The following VEGFD variants were observed in gnomAD, a reference collection of about 807,000 sequenced individuals.
VEGFD encodes the protein c-fos induced growth factor (vascular endothelial growth factor D).
In VEGFD, 26 loss-of-function variants were observed where a neutral mutation model predicts 28.0. The observed-to-expected ratio is 0.93, with a 90% CI of 0.68 to 1.29. VEGFD has a LOEUF of 1.29. Ranked by LOEUF, VEGFD falls within the 50% of genes most tolerant of loss-of-function variation. The pLI, the probability that VEGFD is intolerant of heterozygous loss-of-function variation, is 0.00. For missense variants in VEGFD, 294 were observed against 273.4 expected (o/e 1.08, Z -0.53); for synonymous variants, 93 against 95.5 (o/e 0.97, Z 0.15).
At chrX:15,360,399 C>T (rs1922982657) in intron 2 of VEGFD, among the ~76,000 whole-genome samples, 1 of 104,514 alleles carries the variant, frequency 9.6e-6, no homozygotes, top group Middle Eastern at 5.2e-3. Context: ...AGTGCAGCGG[C>T]GCGATCTCGG....
intron 2 of VEGFD, among the ~76,000 whole-genome samples, chrX:15,358,987 C>A (rs1046776666): frequency 9.0e-6 from 1 of 111,648 alleles, no homozygotes; most frequent in African/African-American, 3.3e-5. Flanking sequence ...GGGAAAGATT[C>A]AATTTTATGA....
intron 4 of VEGFD, among the ~76,000 whole-genome samples, chrX:15,354,271 C>T (rs1419968442): frequency 9.0e-6 from 1 of 111,106 alleles, no homozygotes; most frequent in Non-Finnish European, 1.9e-5. Flanking sequence ...GTGCCCGGCC[C>T]CTAAGATTAT....
At chrX:15,367,985 A>AG (rs1491241639) in intron 1 of VEGFD, among the ~76,000 whole-genome samples, 4 of 42,721 alleles carry the variant, frequency 9.4e-5, no homozygotes, top group East Asian at 5.8e-4. Context: ...AAAGAAAAAG[A>AG]AAAAGAAAGA....
In VEGFD at chrX:15,363,338, C is replaced by T. The variant is rs775435151; in HGVS notation, c.91-19G>A. The T allele has an allele frequency of 3.4e-5, 40 of 1,165,580 alleles. No homozygotes were observed. Among genetic ancestry groups the T allele is most frequent in the Non-Finnish European group, 4.6e-5 (40 of 860,230 alleles). On this transcript the variant is annotated intron_variant, in intron 1 of 6. Coordinates refer to ENST00000297904, the MANE Select transcript of VEGFD (RefSeq NM_004469.5). Reference sequence around the variant, plus strand: ...ATGATCGCTTAAAAAAACAAAAATACCAGTTTAAAAACAAGTTACTAAATT... The same window carrying T: ...ATGATCGCTTAAAAAAACAAAAATATCAGTTTAAAAACAAGTTACTAAATT...
chrX:15,374,786 C>CTT lies in VEGFD; in HGVS notation c.90+9069_90+9070dup, dbSNP rs558207454. Among the ~76,000 whole-genome samples the CTT allele has an allele frequency of 4.6e-3, 449 of 98,187 alleles. 4 individuals carry two copies. Among genetic ancestry groups the CTT allele is most frequent in the African/African-American group, 0.016 (420 of 26,593 alleles). 85.3% of individuals were successfully genotyped at this position (98,187 alleles called of 115,157 possible). On this transcript the variant is annotated intron_variant, in intron 1 of 6. Coordinates refer to ENST00000297904, the MANE Select transcript of VEGFD (RefSeq NM_004469.5). ...AGGCACTACCTTTTCTTTTTCTTTTCTTTTTTTTTTTTTAGCTATTTGACT... is the reference window on the plus strand; with the variant it reads ...AGGCACTACCTTTTCTTTTTCTTTTCTTTTTTTTTTTTTTTAGCTATTTGACT...
At chrX:15,374,936 G>C (rs113836245) in intron 1 of VEGFD, among the ~76,000 whole-genome samples, 2,606 of 110,699 alleles carry the variant, frequency 0.024, 81 homozygotes, top group African/African-American at 0.08. Flanking sequence ...GAAAGGGTCA[G>C]GTATATGGTA....
chrX:15,346,738 C>T (rs753510272), intron 6 of VEGFD, among the ~76,000 whole-genome samples: 4 of 111,411 alleles, frequency 3.6e-5, no homozygotes, highest in Non-Finnish European at 7.5e-5. Context: ...TCAAGACTAT[C>T]CTGGCCAACA....
chrX:15,352,324 T>C (rs1447863544), intron 5 of VEGFD, among the ~76,000 whole-genome samples: 6 of 110,539 alleles, frequency 5.4e-5, no homozygotes, highest in Admixed American at 1.9e-4. Context: ...TTCTTTCTTT[T>C]TTTTTTTTGG....
chrX:15,364,826 T>C (rs913642011), intron 1 of VEGFD, among the ~76,000 whole-genome samples: 2 of 112,046 alleles, frequency 1.8e-5, no homozygotes, highest in African/African-American at 3.2e-5. Flanking sequence ...AGGCTTTGCA[T>C]TGGGTAGTGT....
intron 1 of VEGFD, among the ~76,000 whole-genome samples, chrX:15,367,330 G>A (rs1017333060): frequency 8.9e-6 from 1 of 112,255 alleles, no homozygotes; most frequent in Non-Finnish European, 1.9e-5. Context: ...GGAGCATGAG[G>A]ATCATAGATC....
chrX:15,382,510 G>A (rs1184696017), intron 1 of VEGFD, among the ~76,000 whole-genome samples: 3 of 110,970 alleles, frequency 2.7e-5, no homozygotes, highest in Non-Finnish European at 3.8e-5. Flanking sequence ...TTTAAAACTC[G>A]AGGAGCCCAG....
At chrX:15,349,208 C>T (rs934389225) in intron 5 of VEGFD, among the ~76,000 whole-genome samples, 7 of 112,088 alleles carry the variant, frequency 6.2e-5, no homozygotes, top group African/African-American at 9.7e-5. Flanking sequence ...TTTAAAAATT[C>T]GCAATGATCA....
At chrX:15,347,852 G>C (rs1210760696) in intron 5 of VEGFD, among the ~76,000 whole-genome samples, 1 of 111,696 alleles carries the variant, frequency 9.0e-6, no homozygotes, top group Non-Finnish European at 1.9e-5. Flanking sequence ...TAGTATAAAA[G>C]ATATAGGAGT....
intron 5 of VEGFD, among the ~76,000 whole-genome samples, chrX:15,351,921 C>A (rs966819912): frequency 2.7e-5 from 3 of 112,046 alleles, no homozygotes; most frequent in African/African-American, 9.7e-5. Context: ...TTCCATTGGG[C>A]AGTCTGGTCT....
chrX:15,381,974 G>C (rs1012686780), intron 1 of VEGFD, among the ~76,000 whole-genome samples: 4 of 112,051 alleles, frequency 3.6e-5, no homozygotes, highest in African/African-American at 1.3e-4. Flanking sequence ...GCTTTCCTTC[G>C]TTACTCCATT....
At chrX:15,363,549 A>G (rs1000489001) in intron 1 of VEGFD, among the ~76,000 whole-genome samples, 2 of 112,200 alleles carry the variant, frequency 1.8e-5, no homozygotes, top group African/African-American at 3.2e-5. Context: ...TTCTCAGAAC[A>G]CTTACAAAGA....
intron 5 of VEGFD, 157 bp from the exon 6 acceptor site, chrX:15,347,516 G>A: frequency 2.8e-6 from 1 of 357,491 alleles, no homozygotes; most frequent in Non-Finnish European, 4.7e-6. Flanking sequence ...GGGTGAGGAA[G>A]ATTAACCTCT....
chrX:15,347,907 CAAGTA>C (rs760032623), intron 5 of VEGFD, among the ~76,000 whole-genome samples: 2 of 112,023 alleles, frequency 1.8e-5, no homozygotes, highest in Non-Finnish European at 3.8e-5. Flanking sequence ...AAGATACATT[CAAGTA>C]AAGGGGAGGG....
intron 1 of VEGFD, among the ~76,000 whole-genome samples, chrX:15,375,259 A>C (rs1226436029): frequency 8.9e-6 from 1 of 112,528 alleles, no homozygotes; most frequent in Non-Finnish European, 1.9e-5. Context: ...TTCAGATAGA[A>C]GATGAATTTT....
Sources: allele counts gnomAD v4.1 joint callset (sites outside exome capture counted in the v4.1 genomes callset), GRCh38; gene constraint gnomAD v4.1.1; transcripts MANE v1.5; gene names NCBI Gene and HGNC (gene_info 2026-07-23, HGNC 2026-07-21).